VPS28: variants seen among roughly 807,000 people sequenced by gnomAD.
VPS28 encodes the protein VPS28 subunit of ESCRT-I.
A neutral mutation model predicts 33.7 loss-of-function variants in VPS28; 29 were observed. The ratio of observed to expected loss-of-function variants is 0.86; its 90% CI spans 0.64 to 1.17. VPS28 has a LOEUF of 1.17. Ranked by LOEUF, VPS28 falls within the 50% of genes most tolerant of loss-of-function variation. VPS28 has a pLI of 0.00. For missense variants in VPS28, 247 were observed against 312.2 expected, an observed-to-expected ratio of 0.79 and a Z score of 1.57; for synonymous variants, 164 against 116.7, an observed-to-expected ratio of 1.40 and a Z score of -2.61.
chr8:144,425,013 T>G lies in VPS28; in HGVS notation c.233A>C (p.Lys78Thr). 6.4e-7 allele frequency: 1 copy of G among 1,554,398 alleles called. No homozygotes were observed. Among genetic ancestry groups the G allele is most frequent in the African/African-American group, 1.4e-5 (1 of 73,364 alleles). Residue 78 changes from lysine to threonine, a missense_variant, in exon 6 of 10, where the codon AAA (lysine) becomes ACA (threonine). Lys to Thr is a moderately conservative substitution (Grantham distance 78). Coordinates refer to ENST00000292510, the MANE Select transcript of VPS28 (RefSeq NM_016208.4). ...GCCCTGGACCTGCCTGAAGGCAGCTTTGTATTGGACCAGGAGCCGGGAGCA... is the reference window on the plus strand; with the variant it reads ...GCCCTGGACCTGCCTGAAGGCAGCTGTGTATTGGACCAGGAGCCGGGAGCA... ...AACSRLLVQY[K>T]AAFRQVQGSE... is the part of the protein sequence containing the mutation.
rs921372495 is a variant in VPS28, at chr8:144,425,768, C to T, written c.109G>A (p.Asp37Asn). ...YKNAREREKY[D>N]NMAELFAVVK... The stretch of plus-strand genomic sequence containing the variant: ...ACCGCAAACAGCTCTGCCATGTTGT[C>T]GTACCTGAGGACACACCTGTCTATC... Residue 37 changes from aspartate (D) to asparagine (N), a missense_variant, in exon 5 of 10, where the codon GAC (aspartate) becomes AAC (asparagine). Asp to Asn is a conservative substitution (Grantham distance 23). This residue lies in a region of VPS28 where 149 missense variants were observed against 172.8 expected (regional missense o/e 0.86). Transcript: ENST00000292510. 1.9e-6 allele frequency: 3 copies of T among 1,613,884 alleles called. No homozygotes were observed. Among genetic ancestry groups the T allele is most frequent in the Non-Finnish European group, 2.5e-6 (3 of 1,179,918 alleles).
Position 144,424,140 on chromosome 8 carries a change from A to G in VPS28, c.457-8T>C. ...TCGCAGGTCGGGCTGGATCTGAGAC[A>G]CACACAGCGGCTGGGACCCCGACGC... On this transcript the variant is annotated splice_region_variant and splice_polypyrimidine_tract_variant and intron_variant, in intron 8 of 9. Coordinates refer to ENST00000292510, the MANE Select transcript of VPS28 (RefSeq NM_016208.4). The G allele has an allele frequency of 6.5e-7, 1 of 1,550,374 alleles. No homozygotes were observed. Among genetic ancestry groups the G allele is most frequent in the Non-Finnish European group, 8.7e-7 (1 of 1,144,740 alleles).
rs1554876971 is a variant in VPS28, at chr8:144,426,937, A to T, written c.9T>A (p.His3Gln). 2 of 1,612,136 alleles carry T rather than the reference A, an allele frequency of 1.2e-6. No homozygotes were observed. Among genetic ancestry groups the T allele is most frequent in the African/African-American group, 1.3e-5 (1 of 74,830 alleles). MF[H>Q]GIPATPGIGA... ...CTATGCCCGGCGTGGCTGGGATCCC[A>T]TGAAACATCCTCTAGGCTCTGGGGG... Residue 3 changes from histidine (H) to glutamine (Q), a missense_variant, in exon 2 of 10, where the codon CAT (histidine) becomes CAA (glutamine). By Grantham distance (24) the His-to-Gln change is conservative (BLOSUM62 0). Transcript: ENST00000292510.
intron 1 of VPS28, 176 bp from the exon 2 acceptor site, chr8:144,427,155 C>T (rs1412598071): frequency 8.9e-6 from 4 of 447,982 alleles, no homozygotes; most frequent in Non-Finnish European, 1.6e-5. Flanking sequence ...CAAAATTAGC[C>T]GGACGTTGTG....
chr8:144,425,623 C>T (rs1822676463), intron 5 of VPS28, 60 bp downstream of exon 5: 7 of 1,576,020 alleles, frequency 4.4e-6, no homozygotes, highest in Non-Finnish European at 5.2e-6. Flanking sequence ...GCTCTTGCTG[C>T]CTATGGAGCA....
Position 144,423,693 on chromosome 8 carries a change from G to C in VPS28, c.*112C>G, listed in dbSNP as rs1419903498. The C allele has an allele frequency of 7.3e-6, 10 of 1,369,754 alleles. No individual in the cohort carries two copies. Among genetic ancestry groups the C allele is most frequent in the Non-Finnish European group, 8.1e-6 (8 of 984,844 alleles). The allele number at this position is 1,369,754 out of a possible 1,614,324, so 84.9% of individuals were successfully genotyped here. A position where few individuals can be genotyped will look rare whatever the true frequency, so the allele number is the denominator to read the frequency against. On this transcript the variant is annotated 3_prime_UTR_variant, in exon 10 of 10. Transcript: ENST00000292510. ...TGACACCAAAGACAGACACCAGACA[G>C]GCAGCTGCAGACAGTGAGTTGTGTG...
rs1586665258 is a variant in VPS28, at chr8:144,424,928, G to A, written c.300+18C>T. ...CCGACAGTCTCGCCCCATGGGGGTG[G>A]AAGGACCAGGCACTCACGCGGAACT... is the stretch of plus-strand genomic sequence containing the variant. On this transcript the variant is annotated intron_variant, in intron 6 of 9. Transcript: ENST00000292510. 1 of 1,598,662 alleles carries A rather than the reference G, an allele frequency of 6.3e-7. No individual in the cohort carries two copies. Among genetic ancestry groups the A allele is most frequent in the Non-Finnish European group, 8.5e-7 (1 of 1,172,150 alleles).
chr8:144,424,341 C>T, intron 7 of VPS28, 73 bp from the exon 8 acceptor site: 4 of 1,512,602 alleles, frequency 2.6e-6, no homozygotes, highest in Non-Finnish European at 3.5e-6. Flanking sequence ...GGGCCCCAAC[C>T]CCTCCTCAGC....
rs1554876754 is a variant in VPS28, at chr8:144,426,224, G to A, written c.38-16C>T. ...TTCCCAGGGGCTGCAAGAGAAGGCA[G>A]AGAGCTGGCAGGCTGGCCCCAAAGG... On this transcript the variant is annotated splice_polypyrimidine_tract_variant and intron_variant, in intron 2 of 9. Coordinates refer to ENST00000292510, the MANE Select transcript of VPS28 (RefSeq NM_016208.4). The A allele has an allele frequency of 1.3e-6, 2 of 1,595,892 alleles. No individual in the cohort carries two copies. Among genetic ancestry groups the A allele is most frequent in the East Asian group, 2.2e-5 (1 of 44,448 alleles).
At position 144,424,024 on chromosome 8, in the gene VPS28, C is replaced by T. The variant is rs140380592; in HGVS notation, c.548+17G>A. On this transcript the variant is annotated intron_variant, in intron 9 of 9. Transcript: ENST00000292510. ...TCGGGCACTGCGGGGCTCTGCCTGG[C>T]TGGGAGGGACACCCACCACTGGCTG... 2 of 1,594,156 alleles carry T rather than the reference C, an allele frequency of 1.3e-6. No homozygotes were observed. Among genetic ancestry groups the T allele is most frequent in the African/African-American group, 1.3e-5 (1 of 74,728 alleles).
chr8:144,426,012 G>A lies in VPS28; in HGVS notation c.104+14C>T. The stretch of plus-strand genomic sequence containing the variant: ...GCATGGGTGTGTTGGGACAGCCTGG[G>A]CGCCTGGACTTACTTCTCCCTCTCC... On this transcript the variant is annotated intron_variant, in intron 4 of 9. Transcript: ENST00000292510. The A allele has an allele frequency of 6.6e-7, 1 of 1,505,410 alleles. No individual in the cohort carries two copies. The allele number at this position is 1,505,410 out of a possible 1,614,324, so 93.3% of individuals were successfully genotyped here.
At position 144,425,034 on chromosome 8, in the gene VPS28, G is replaced by A. The variant is rs1554876365; in HGVS notation, c.212C>T (p.Ser71Phe). ...AGCTTTGTATTGGACCAGGAGCCGG[G>A]AGCAGGCTGCAGTGTACCTAGGGAG... is the stretch of plus-strand genomic sequence containing the variant. ...VSPSEYTAAC[S>F]RLLVQYKAAF... Residue 71 changes from serine to phenylalanine, a missense_variant, in exon 6 of 10, where the codon TCC (serine) becomes TTC (phenylalanine). Physicochemically the swap from Ser to Phe is radical, Grantham distance 155. Coordinates refer to ENST00000292510, the MANE Select transcript of VPS28 (RefSeq NM_016208.4). 3 of 1,552,182 alleles carry A rather than the reference G, an allele frequency of 1.9e-6. No individual in the cohort carries two copies. The highest frequency in any genetic ancestry group is 8.7e-7 in the Non-Finnish European group (1 of 1,147,214).
In VPS28 at chr8:144,424,073, G is replaced by A. The variant is rs199666552; in HGVS notation, c.516C>T (p.Pro172=). 3.4e-5 allele frequency: 53 copies of A among 1,566,166 alleles called. No individual in the cohort carries two copies. Among genetic ancestry groups the A allele is most frequent in the Non-Finnish European group, 4.3e-5 (50 of 1,152,738 alleles). ...TGACCGTCTGGCGGCCCTCAAAGTC[G>A]GGTGGGAGGTGGCTCATGCGGTGCA... ...ETMHRMSHLP[P]DFEGRQTVSQ... Residue 172 remains proline, a synonymous_variant, in exon 9 of 10, where the codon CCC becomes CCT. Transcript: ENST00000292510.
At chr8:144,427,271 C>A in intron 1 of VPS28, 1 of 215,984 alleles carries the variant, frequency 4.6e-6, no homozygotes, top group Admixed American at 5.9e-5. Flanking sequence ...TGCACTCCAG[C>A]CTGGGAGACA....
intron 1 of VPS28, 23 bp downstream of exon 1, chr8:144,428,465 GC>G (rs1822975471): frequency 6.6e-6 from 1 of 152,202 alleles, no homozygotes; most frequent in Non-Finnish European, 1.5e-5. Context: ...CCCCTTCCCC[GC>G]CCACCGGCCG....
chr8:144,425,134 G>A (rs1288168757), intron 5 of VPS28, 83 bp from the exon 6 acceptor site: 23 of 1,222,362 alleles, frequency 1.9e-5, no homozygotes, highest in Non-Finnish European at 2.7e-5. Context: ...CAGAGGCAAA[G>A]CAGCTTCCAG....
chr8:144,426,664 C>A, intron 2 of VPS28: 1 of 518,590 alleles, frequency 1.9e-6, no homozygotes, highest in Non-Finnish European at 3.4e-6. Context: ...ACAGGGTGCC[C>A]AGGACCCCCA....
intron 4 of VPS28, 91 bp from the exon 5 acceptor site, chr8:144,425,863 C>A (rs1484924856): frequency 1.9e-6 from 3 of 1,583,130 alleles, no homozygotes; most frequent in Non-Finnish European, 2.6e-6. Context: ...CCACTGCGGG[C>A]GCTCTGCCCA....
chr8:144,426,017 T>G lies in VPS28; in HGVS notation c.104+9A>C. 6.6e-7 allele frequency: 1 copy of G among 1,512,018 alleles called. No homozygotes were observed. The highest frequency in any genetic ancestry group is 8.9e-7 in the Non-Finnish European group (1 of 1,121,652). The allele number at this position is 1,512,018 out of a possible 1,614,324, so 93.7% of individuals were successfully genotyped here. ...GGTGTGTTGGGACAGCCTGGGCGCC[T>G]GGACTTACTTCTCCCTCTCCCGGGC... On this transcript the variant is annotated intron_variant, in intron 4 of 9. Transcript: ENST00000292510.
Sources: gnomAD v4.1 joint callset for allele counts on GRCh38, gnomAD v4.1.1 for gene constraint, gnomAD v4.1.1 regional missense constraint, MANE v1.5 for transcripts, NCBI Gene and HGNC (gene_info 2026-07-23, HGNC 2026-07-21) for gene names.